Variants in SYNE2 observed in about 807,000 individuals in gnomAD.
The protein encoded by SYNE2 is nesprin-2.
A neutral mutation model predicts 856.3 loss-of-function variants in SYNE2; 431 were observed. The observed-to-expected ratio is 0.50, with a 90% CI of 0.47 to 0.55. The LOEUF (loss-of-function observed/expected upper bound fraction) is 0.55, where lower values mean the gene tolerates loss of function less well. SYNE2 is among the 20% of genes least tolerant of loss of function. The pLI, the probability that SYNE2 is intolerant of heterozygous loss-of-function variation, is 0.00. For missense variants in SYNE2, 8,129 were observed against 8,023.2 expected (o/e 1.01, Z -0.50); for synonymous variants, 2,923 against 2,872.3 (o/e 1.02, Z -0.56).
chr14:63,890,121 T>C (rs2095097119), intron 1 of SYNE2, among the ~76,000 whole-genome samples: 1 of 149,056 alleles, frequency 6.7e-6, no homozygotes, highest in Non-Finnish European at 1.5e-5. Context: ...AGTCCAGTGG[T>C]GTGATCTTGG....
At chr14:64,171,707 G>GT (rs2098411725) in intron 94 of SYNE2, among the ~76,000 whole-genome samples, 1 of 152,228 alleles carries the variant, frequency 6.6e-6, no homozygotes, top group Non-Finnish European at 1.5e-5. Flanking sequence ...TGGCAAGGCA[G>GT]TAGTGGCAGG....
At chr14:64,022,511 T>C (rs532159690) in intron 37 of SYNE2, among the ~76,000 whole-genome samples, 50 of 152,030 alleles carry the variant, frequency 3.3e-4, no homozygotes, top group African/African-American at 7.2e-4. Flanking sequence ...GGCGGGTGGA[T>C]TGCTTGAGCT....
At chr14:63,947,085 G>A (rs1201941286) in intron 6 of SYNE2, among the ~76,000 whole-genome samples, 1 of 152,106 alleles carries the variant, frequency 6.6e-6, no homozygotes, top group Admixed American at 6.6e-5. Flanking sequence ...CTTGACCTCA[G>A]GTGATTCACC....
chr14:64,040,904 A>G (rs966606837), intron 45 of SYNE2, among the ~76,000 whole-genome samples: 1 of 152,034 alleles, frequency 6.6e-6, no homozygotes, highest in African/African-American at 2.4e-5. Flanking sequence ...ATAAATTCTT[A>G]TCTAAATGCA....
chr14:64,104,834 A>C (rs2097760963), intron 64 of SYNE2, among the ~76,000 whole-genome samples: 1 of 152,172 alleles, frequency 6.6e-6, no homozygotes, highest in Non-Finnish European at 1.5e-5. Context: ...CTAAATCTCT[A>C]GTCTTGGCTT....
intron 32 of SYNE2, among the ~76,000 whole-genome samples, chr14:64,011,827 T>C (rs986094518): frequency 6.6e-6 from 1 of 152,172 alleles, no homozygotes; most frequent in Non-Finnish European, 1.5e-5. Context: ...ACTAATAAAC[T>C]TCTTCTTGTC....
intron 66 of SYNE2, among the ~76,000 whole-genome samples, chr14:64,118,125 A>C (rs1271745676): frequency 6.6e-6 from 1 of 152,222 alleles, no homozygotes; most frequent in Non-Finnish European, 1.5e-5. Context: ...TCCTTAAGGA[A>C]AATTTTTAAT....
rs972739830 is a variant in SYNE2, at chr14:63,834,646, T to TC, written c.-304-17855_-304-17854insC. 8.2e-5 allele frequency among the ~76,000 whole-genome samples: 12 copies of TC among 146,668 alleles called. No homozygotes were observed. The South Asian group carries it at 1.3e-3, about 16-fold the overall frequency. ...TTTGTCCAATTTCTTTTTCTTTCTT[T>TC]TTTTTTTTTTTTTGAGATAGAGTCT... is the stretch of plus-strand genomic sequence containing the variant. On this transcript the variant is annotated intron_variant, in intron 1 of 23. Coordinates refer to the SYNE2 transcript ENST00000674003.
At chr14:63,947,464 C>T (rs1231117383) in intron 6 of SYNE2, among the ~76,000 whole-genome samples, 1 of 152,162 alleles carries the variant, frequency 6.6e-6, no homozygotes, top group African/African-American at 2.4e-5. Flanking sequence ...AAGAATGAAT[C>T]AATTTTGTAT....
chr14:64,214,144 GC>G, intron 105 of SYNE2, 49 bp from the exon 106 acceptor site: 1 of 1,613,968 alleles, frequency 6.2e-7, no homozygotes, highest in South Asian at 1.1e-5. Flanking sequence ...TCTTCTAATT[GC>G]AGAAGCCTAT....
chr14:64,214,875 G>A lies in SYNE2; in HGVS notation c.19333+405G>A, dbSNP rs147382869. On this transcript the variant is annotated intron_variant, in intron 106 of 115. Transcript: ENST00000555002. ...CCACCTCAGCCTCCTGAGTAGCTGG[G>A]ACTATAGGTACACGCCACCACACCC... Among the ~76,000 whole-genome samples, 45 of 152,166 alleles carry A rather than the reference G, an allele frequency of 3.0e-4. 1 individual carries two copies. The East Asian group carries it at 6.8e-3, about 23-fold the overall frequency.
intron 30 of SYNE2, 56 bp from the exon 31 acceptor site, chr14:64,006,987 T>C: frequency 1.4e-6 from 2 of 1,390,144 alleles, no homozygotes; most frequent in Non-Finnish European, 2.0e-6. Flanking sequence ...CCCATATTTG[T>C]GTTGAATCAA....
intron 8 of SYNE2, chr14:63,960,787 C>G (rs1461990467): frequency 1.3e-6 from 1 of 762,852 alleles, no homozygotes. Context: ...GGCACAGTGT[C>G]TTGTGCCAGC....
intron 115 of SYNE2, 57 bp downstream of exon 115, chr14:64,225,102 T>A: frequency 6.3e-7 from 1 of 1,599,986 alleles, no homozygotes. Context: ...TCCCACTGAC[T>A]CAGTCTTGCC....
In SYNE2 at chr14:64,216,283, C is replaced by A; in HGVS notation, c.19438C>A (p.Pro6480Thr). The stretch of plus-strand genomic sequence containing the variant: ...TTCGGATGGCCACTCGTGGCATGTT[C>A]CCGACAGCCCTTCCTGTCCCGAGCA... ...SISDGHSWHVPDSPSCPEHHY... is the reference protein window; with the variant it reads ...SISDGHSWHVTDSPSCPEHHY... Residue 6480 changes from proline (P) to threonine (T), a missense_variant, in exon 108 of 116, where the codon CCC becomes ACC. This residue lies in a region of SYNE2 where 5,410 missense variants were observed against 5,284.8 expected (regional missense o/e 1.02). Coordinates refer to ENST00000555002, the MANE Select transcript of SYNE2 (RefSeq NM_182914.3). 1 of 1,614,170 alleles carries A rather than the reference C, an allele frequency of 6.2e-7. No homozygotes were observed. Among genetic ancestry groups the A allele is most frequent in the Non-Finnish European group, 8.5e-7 (1 of 1,180,040 alleles).
At chr14:63,923,801 G>T in intron 2 of SYNE2, among the ~76,000 whole-genome samples, 1 of 151,432 alleles carries the variant, frequency 6.6e-6, no homozygotes, top group East Asian at 1.9e-4. Context: ...TTGGATTTTA[G>T]AACTTTTTTT....
rs201130716 is a variant in SYNE2 at position 63,963,860 on chromosome 14, G to T, written c.889-39G>T. On this transcript the variant is annotated intron_variant, in intron 9 of 115. Coordinates refer to ENST00000555002, the MANE Select transcript of SYNE2 (RefSeq NM_182914.3). ...TTTTTTTGTTAAAAAAACCAAGCCC[G>T]TTTAAAATATAGTTTAATTTTGTGT... 1.5e-5 allele frequency: 23 copies of T among 1,499,986 alleles called. No homozygotes were observed. The African/African-American group carries it at 3.1e-4, about 20-fold the overall frequency. 92.9% of individuals were successfully genotyped at this position (1,499,986 alleles called of 1,614,324 possible). A position where few individuals can be genotyped will look rare whatever the true frequency, so the allele number is the denominator to read the frequency against.
intron 1 of SYNE2, among the ~76,000 whole-genome samples, chr14:63,904,399 C>T (rs2095379692): frequency 6.6e-6 from 1 of 152,186 alleles, no homozygotes; most frequent in Non-Finnish European, 1.5e-5. Context: ...CATCTGCAAA[C>T]TGCTTTCCAC....
rs2098648403 is a variant in SYNE2 at position 64,212,848 on chromosome 14, T to C, written c.18899T>C (p.Ile6300Thr). ...GAAATTACATTAAATACCAACAAGA[T>C]TGATCAGCTCATTGTGTTTGGGGAG... is the stretch of plus-strand genomic sequence containing the variant. ...QQEITLNTNKIDQLIVFGEQL... is the reference protein window; with the variant it reads ...QQEITLNTNKTDQLIVFGEQL... The change falls in exon 105 of 116, where the codon ATT becomes ACT. Residue 6300 changes from isoleucine to threonine, a missense_variant. By Grantham distance (89) the Ile-to-Thr change is moderately conservative (BLOSUM62 -1). Coordinates refer to ENST00000555002, the MANE Select transcript of SYNE2 (RefSeq NM_182914.3). 2 of 1,614,230 alleles carry C rather than the reference T, an allele frequency of 1.2e-6. No individual in the cohort carries two copies. Among genetic ancestry groups the C allele is most frequent in the Non-Finnish European group, 1.7e-6 (2 of 1,180,048 alleles).
Sources: allele counts gnomAD v4.1 joint callset (sites outside exome capture counted in the v4.1 genomes callset), GRCh38; gene constraint gnomAD v4.1.1; regional missense constraint gnomAD v4.1.1; transcripts MANE v1.5; gene names NCBI Gene and HGNC (gene_info 2026-07-23, HGNC 2026-07-21).